Variants in CDH18 observed in about 807,000 individuals in gnomAD.
CDH18 encodes the protein cadherin 18.
Under a neutral mutation model 67.9 loss-of-function variants are expected in CDH18, and 31 were observed. The observed-to-expected ratio is 0.46, with a 90% confidence interval of 0.34 to 0.62. The LOEUF is 0.62. CDH18 is among the 20% of genes least tolerant of loss of function. The pLI is 0.01. For missense variants in CDH18, 890 were observed against 975.5 expected (o/e 0.91, Z 1.17); for synonymous variants, 362 against 347.2 (o/e 1.04, Z -0.48).
chr5:20,027,174 T>C (rs1738983464), intron 2 of CDH18, among the ~76,000 whole-genome samples: 2 of 152,122 alleles, frequency 1.3e-5, no homozygotes, highest in South Asian at 2.1e-4. Flanking sequence ...TTAAACACTT[T>C]ATGTATGATT....
At chr5:20,353,129 C>G (rs1741343187) in intron 1 of CDH18, among the ~76,000 whole-genome samples, 1 of 152,060 alleles carries the variant, frequency 6.6e-6, no homozygotes, top group Non-Finnish European at 1.5e-5. Flanking sequence ...GTGTATGCCT[C>G]CATTGGAATA....
intron 5 of CDH18, among the ~76,000 whole-genome samples, chr5:19,639,737 C>T (rs1580648156): frequency 6.6e-6 from 1 of 152,224 alleles, no homozygotes; most frequent in Non-Finnish European, 1.5e-5. Flanking sequence ...ATGCCCCTTG[C>T]GTGCTACAGC....
chr5:20,179,401 T>C (rs1300059722), intron 2 of CDH18, among the ~76,000 whole-genome samples: 9 of 152,162 alleles, frequency 5.9e-5, no homozygotes, highest in Admixed American at 3.9e-4. Context: ...ACCACAGATA[T>C]TTTTCAGAAG....
chr5:20,283,065 A>G (rs1370670177), intron 1 of CDH18, among the ~76,000 whole-genome samples: 1 of 152,140 alleles, frequency 6.6e-6, no homozygotes, highest in Admixed American at 6.6e-5. Context: ...AAACATCCAT[A>G]TGCAGAAAAG....
intron 2 of CDH18, among the ~76,000 whole-genome samples, chr5:20,212,503 G>GA (rs1431789249): frequency 6.6e-6 from 1 of 151,946 alleles, no homozygotes; most frequent in African/African-American, 2.4e-5. Context: ...TGAAATGAAG[G>GA]AAAAAATGTT....
chr5:19,725,627 G>A (rs1443787982), intron 4 of CDH18, among the ~76,000 whole-genome samples: 1 of 152,082 alleles, frequency 6.6e-6, no homozygotes, highest in African/African-American at 2.4e-5. Flanking sequence ...AAATTATCTG[G>A]ACGTGGTGGT....
chr5:20,390,069 T>A (rs970374352), intron 1 of CDH18, among the ~76,000 whole-genome samples: 2 of 152,150 alleles, frequency 1.3e-5, no homozygotes, highest in African/African-American at 4.8e-5. Flanking sequence ...ATTAAGGACA[T>A]AGGCATAGGC....
At chr5:20,345,011 A>T (rs1740589253) in intron 1 of CDH18, among the ~76,000 whole-genome samples, 1 of 152,054 alleles carries the variant, frequency 6.6e-6, no homozygotes, top group South Asian at 2.1e-4. Context: ...GAACACTCTC[A>T]TTGCTAATCC....
intron 5 of CDH18, among the ~76,000 whole-genome samples, chr5:19,707,628 C>T (rs907376351): frequency 6.6e-6 from 1 of 152,178 alleles, no homozygotes; most frequent in African/African-American, 2.4e-5. Context: ...GTTGCCTACA[C>T]CTTCACTATC....
At chr5:20,550,580 TCA>T (rs1757577666) in intron 1 of CDH18, among the ~76,000 whole-genome samples, 1 of 152,132 alleles carries the variant, frequency 6.6e-6, no homozygotes, top group Non-Finnish European at 1.5e-5. Flanking sequence ...TGCCACATAC[TCA>T]GAGACTGAAG....
At chr5:20,215,806 T>A (rs914393798) in intron 2 of CDH18, among the ~76,000 whole-genome samples, 1 of 151,914 alleles carries the variant, frequency 6.6e-6, no homozygotes, top group African/African-American at 2.4e-5. Context: ...TAGAAAAGAA[T>A]GAGATCATGT....
intron 4 of CDH18, among the ~76,000 whole-genome samples, chr5:19,743,507 T>C (rs1406767097): frequency 6.6e-6 from 1 of 152,114 alleles, no homozygotes; most frequent in African/African-American, 2.4e-5. Flanking sequence ...CAGACAATCT[T>C]CAAGTAAAGG....
At chr5:20,041,898 T>G in intron 2 of CDH18, among the ~76,000 whole-genome samples, 1 of 152,250 alleles carries the variant, frequency 6.6e-6, no homozygotes, top group African/African-American at 2.4e-5. Context: ...TCATTTGTAT[T>G]ATTTAGAACT....
At chr5:20,358,460 G>C (rs1168237881) in intron 1 of CDH18, among the ~76,000 whole-genome samples, 1 of 152,084 alleles carries the variant, frequency 6.6e-6, no homozygotes, top group Admixed American at 6.5e-5. Flanking sequence ...TATAGCTAGC[G>C]TTTTTTGTGG....
rs1339870526 is a variant in CDH18, at chr5:19,610,717, T to TATC, written c.811+1714_811+1716dup. Among the ~76,000 whole-genome samples the TATC allele has an allele frequency of 5.9e-5, 9 of 152,266 alleles. No individual in the cohort carries two copies. In the East Asian group the frequency reaches 1.7e-3, roughly 29 times the overall value. ...AGTCTGAATTATCGCTTATTATCTT[T>TATC]ATCTTCAACTTCAATTGTACCAATC... On this transcript the variant is annotated intron_variant, in intron 6 of 12. Coordinates refer to ENST00000382275, the MANE Select transcript of CDH18 (RefSeq NM_004934.5).
intron 2 of CDH18, among the ~76,000 whole-genome samples, chr5:20,131,477 G>A (rs534882382): frequency 8.6e-5 from 13 of 151,928 alleles, no homozygotes; most frequent in South Asian, 6.2e-4. Context: ...ATTAGAGTAC[G>A]TATTTATTCA....
At chr5:20,192,991 G>GT (rs1738669873) in intron 2 of CDH18, among the ~76,000 whole-genome samples, 1 of 152,070 alleles carries the variant, frequency 6.6e-6, no homozygotes, top group African/African-American at 2.4e-5. Context: ...AGGATGGAAT[G>GT]TTTTTCTATT....
intron 2 of CDH18, among the ~76,000 whole-genome samples, chr5:20,124,196 AT>A (rs762156220): frequency 6.6e-6 from 1 of 152,068 alleles, no homozygotes; most frequent in Non-Finnish European, 1.5e-5. Flanking sequence ...AAGAAGAAAC[AT>A]TTTTGTTTTG....
chr5:20,376,892 C>G (rs564557914), intron 1 of CDH18, among the ~76,000 whole-genome samples: 1 of 151,994 alleles, frequency 6.6e-6, no homozygotes, highest in Admixed American at 6.6e-5. Context: ...TGGCAGGTGG[C>G]TGTAGTCCCA....
Sources: gnomAD v4.1 joint callset for allele counts (sites outside exome capture counted in the v4.1 genomes callset) on GRCh38, gnomAD v4.1.1 for gene constraint, MANE v1.5 for transcripts, NCBI Gene and HGNC (gene_info 2026-07-23, HGNC 2026-07-21) for gene names.